The following ATP6V1H variants were observed in gnomAD, a reference collection of about 807,000 sequenced individuals.
The protein encoded by ATP6V1H is V-type proton ATPase subunit H.
In ATP6V1H, 39 loss-of-function variants were observed where a neutral mutation model predicts 71.7. That is an observed-to-expected ratio of 0.54 (90% confidence interval 0.42 to 0.71). ATP6V1H has a LOEUF of 0.71. Among genes scored for constraint, ATP6V1H ranks in the 30% least tolerant of loss-of-function variants. The pLI is 0.00. For synonymous variants in ATP6V1H, 192 were observed against 199.3 expected, an observed-to-expected ratio of 0.96 and a Z score of 0.31; for missense variants, 509 against 594.9, an observed-to-expected ratio of 0.86 and a Z score of 1.50.
intron 11 of ATP6V1H, among the ~76,000 whole-genome samples, chr8:53,757,040 G>A (rs577638340): frequency 2.6e-5 from 4 of 152,276 alleles, no homozygotes; most frequent in South Asian, 2.1e-4. Flanking sequence ...TTCAGTGCTC[G>A]ATGATAAGAG....
chr8:53,808,079 T>C (rs1367339576), intron 7 of ATP6V1H, among the ~76,000 whole-genome samples: 1 of 152,238 alleles, frequency 6.6e-6, no homozygotes, highest in Non-Finnish European at 1.5e-5. Flanking sequence ...CAACTACTCA[T>C]TCCAGACTGC....
intron 6 of ATP6V1H, among the ~76,000 whole-genome samples, chr8:53,813,892 TGTGGGACA>T (rs771303555): frequency 5.3e-5 from 8 of 152,182 alleles, no homozygotes; most frequent in Non-Finnish European, 1.2e-4. Flanking sequence ...CGAGCCACCG[TGTGGGACA>T]GTGTCCTTTC....
chr8:53,745,413 T>C (rs1458971668), intron 12 of ATP6V1H, among the ~76,000 whole-genome samples: 1 of 151,174 alleles, frequency 6.6e-6, no homozygotes, highest in Non-Finnish European at 1.5e-5. Flanking sequence ...AAAAAACAAA[T>C]AAAAATAAAA....
In ATP6V1H at chr8:53,765,462, C is replaced by CACAG. The variant is rs1304131142; in HGVS notation, c.1175+4155_1175+4156insCTGT. ...TGGACAACAACAACAACAACACACACACACACACACACACACACACACACA... is the reference window on the plus strand; with the variant it reads ...TGGACAACAACAACAACAACACACACACAGACACACACACACACACACACACACA... On this transcript the variant is annotated intron_variant, in intron 11 of 13. Coordinates refer to ENST00000359530, the MANE Select transcript of ATP6V1H (RefSeq NM_015941.4). 2.2e-3 allele frequency among the ~76,000 whole-genome samples: 176 copies of CACAG among 80,462 alleles called. 1 individual carries two copies. The highest frequency in any genetic ancestry group is 7.3e-3 in the African/African-American group (170 of 23,276). The allele number at this position is 80,462 out of a possible 152,430, so 52.8% of individuals were successfully genotyped here. A position where few individuals can be genotyped will look rare whatever the true frequency, so the allele number is the denominator to read the frequency against.
chr8:53,737,197 A>C (rs955914475), intron 13 of ATP6V1H, among the ~76,000 whole-genome samples: 4 of 152,212 alleles, frequency 2.6e-5, no homozygotes, highest in Non-Finnish European at 5.9e-5. Context: ...CCTAGTATCT[A>C]AGGGGTTTTG....
rs577702380 is a variant in ATP6V1H at position 53,756,285 on chromosome 8, T to C, written c.1277+270A>G. On this transcript the variant is annotated intron_variant, in intron 12 of 13. Transcript: ENST00000359530. ...TTGTATTTTTAGTAGAGAAGGGGTT[T>C]CACCATCTTAGCCAGGATGGTCTCC... 51 of 238,298 alleles carry C rather than the reference T, an allele frequency of 2.1e-4. 1 individual carries two copies. The South Asian group carries it at 3.2e-3, about 15-fold the overall frequency. 14.8% of individuals were successfully genotyped at this position (238,298 alleles called of 1,614,324 possible).
chr8:53,760,802 C>G (rs942014558), intron 11 of ATP6V1H, among the ~76,000 whole-genome samples: 1 of 152,088 alleles, frequency 6.6e-6, no homozygotes, highest in African/African-American at 2.4e-5. Flanking sequence ...ACTCATAATA[C>G]CCCTTCCCTT....
intron 13 of ATP6V1H, among the ~76,000 whole-genome samples, chr8:53,723,340 C>G (rs1430580526): frequency 6.6e-6 from 1 of 152,176 alleles, no homozygotes; most frequent in African/African-American, 2.4e-5. Flanking sequence ...TCCCACCCTC[C>G]TCACCCCTGA....
At chr8:53,841,793 T>C in intron 1 of ATP6V1H, 68 bp from the exon 2 acceptor site, 2 of 1,388,158 alleles carry the variant, frequency 1.4e-6, no homozygotes, top group Non-Finnish European at 1.9e-6. Context: ...ATTAATATTA[T>C]GATTATGAAT....
intron 13 of ATP6V1H, among the ~76,000 whole-genome samples, chr8:53,721,439 G>A (rs1170951538): frequency 6.6e-6 from 1 of 152,156 alleles, no homozygotes; most frequent in African/African-American, 2.4e-5. Flanking sequence ...AGGAAAAACA[G>A]TATTTAACAT....
chr8:53,792,669 G>A (rs1235530784), intron 9 of ATP6V1H, among the ~76,000 whole-genome samples: 1 of 152,178 alleles, frequency 6.6e-6, no homozygotes, highest in Non-Finnish European at 1.5e-5. Flanking sequence ...AGATCTCAGT[G>A]AAATTCCAAT....
intron 7 of ATP6V1H, among the ~76,000 whole-genome samples, chr8:53,802,119 G>A (rs1382560531): frequency 6.6e-6 from 1 of 152,104 alleles, no homozygotes; most frequent in Admixed American, 6.5e-5. Flanking sequence ...CACAAGTCAA[G>A]ACTACTTAAC....
At chr8:53,765,291 A>G (rs1421036657) in intron 11 of ATP6V1H, among the ~76,000 whole-genome samples, 2 of 151,668 alleles carry the variant, frequency 1.3e-5, no homozygotes, top group African/African-American at 4.8e-5. Context: ...AATCCCAGCT[A>G]CTTAGGAGGC....
At chr8:53,837,129 G>A (rs1585842400) in intron 2 of ATP6V1H, among the ~76,000 whole-genome samples, 1 of 151,148 alleles carries the variant, frequency 6.6e-6, no homozygotes, top group Non-Finnish European at 1.5e-5. Context: ...CGACAAGAGT[G>A]AAACTCCATC....
chr8:53,733,504 G>A (rs561675688), intron 13 of ATP6V1H, among the ~76,000 whole-genome samples: 190 of 152,322 alleles, frequency 1.2e-3, no homozygotes, highest in Non-Finnish European at 2.3e-3. Flanking sequence ...GGCCTGCTCC[G>A]GCACCTGGAG....
chr8:53,749,788 T>A (rs905987570), intron 12 of ATP6V1H, among the ~76,000 whole-genome samples: 1 of 149,372 alleles, frequency 6.7e-6, no homozygotes, highest in Non-Finnish European at 1.5e-5. Flanking sequence ...TGTAAGAGAG[T>A]CTGATAGAGC....
At chr8:53,825,246 A>C (rs766715144) in intron 4 of ATP6V1H, among the ~76,000 whole-genome samples, 9 of 152,118 alleles carry the variant, frequency 5.9e-5, no homozygotes, top group Non-Finnish European at 1.2e-4. Context: ...TATGTTGCCC[A>C]GGCTGGTTTC....
intron 1 of ATP6V1H, 38 bp from the exon 2 acceptor site, chr8:53,841,763 T>G: frequency 6.4e-7 from 1 of 1,560,518 alleles, no homozygotes; most frequent in Non-Finnish European, 8.7e-7. Flanking sequence ...GAATACGAGG[T>G]GTTTCTTTTT....
chr8:53,728,901 T>C (rs1018761554), intron 13 of ATP6V1H, among the ~76,000 whole-genome samples: 1 of 152,230 alleles, frequency 6.6e-6, no homozygotes, highest in Non-Finnish European at 1.5e-5. Context: ...TCTGTACTTG[T>C]TGGTCCTCCC....
Sources: allele counts gnomAD v4.1 joint callset (sites outside exome capture counted in the v4.1 genomes callset), GRCh38; gene constraint gnomAD v4.1.1; transcripts MANE v1.5; gene names NCBI Gene and HGNC (gene_info 2026-07-23, HGNC 2026-07-21).